TAF4B: variants seen among roughly 807,000 people sequenced by gnomAD.
TAF4B encodes TATA-box binding protein associated factor 4b, also known as transcription initiation factor TFIID subunit 4B.
TAF4B carries 38 observed loss-of-function variants against 86.4 expected under a neutral mutation model. The ratio of observed to expected loss-of-function variants is 0.44; its 90% CI spans 0.34 to 0.58. The LOEUF is 0.58. Ranked by LOEUF, TAF4B falls within the 20% of genes least tolerant of loss-of-function variation. The pLI, the probability that TAF4B is intolerant of heterozygous loss-of-function variation, is 0.02. For synonymous variants in TAF4B, 388 were observed against 391.2 expected, an observed-to-expected ratio of 0.99 and a Z score of 0.10; for missense variants, 988 against 1,027.6, an observed-to-expected ratio of 0.96 and a Z score of 0.53.
rs72880113 is a variant in TAF4B, at chr18:26,252,310, A to T, written c.344-12860A>T. Among the ~76,000 whole-genome samples the T allele has an allele frequency of 5.8e-3, 890 of 152,220 alleles. 6 individuals carry two copies. The highest frequency in any genetic ancestry group is 0.011 in the Admixed American group (161 of 15,278). ...CATTTTCTTAATTTCATTTATGGTT[A>T]TTCATTGCAAGTGTATAAAAATACA... is the stretch of plus-strand genomic sequence containing the variant. On this transcript the variant is annotated intron_variant, in intron 1 of 14. Coordinates refer to ENST00000269142, the MANE Select transcript of TAF4B (RefSeq NM_005640.3).
intron 1 of TAF4B, among the ~76,000 whole-genome samples, chr18:26,249,225 T>TC (rs1242520010): frequency 6.6e-6 from 1 of 150,492 alleles, no homozygotes; most frequent in Non-Finnish European, 1.5e-5. Context: ...ATGCCTGTAA[T>TC]CCCACCACTT....
intron 2 of TAF4B, chr18:26,265,923 C>T (rs779145692): frequency 6.6e-6 from 1 of 151,780 alleles, no homozygotes; most frequent in Non-Finnish European, 1.5e-5. Flanking sequence ...CAGGCGCCCA[C>T]TGCCATGCCT....
chr18:26,350,896 G>A (rs2057239751), intron 13 of TAF4B, among the ~76,000 whole-genome samples: 1 of 152,148 alleles, frequency 6.6e-6, no homozygotes, highest in South Asian at 2.1e-4. Context: ...AGGATTCAGG[G>A]AAAATGGAAT....
chr18:26,336,860 A>T (rs1403485863), intron 13 of TAF4B, among the ~76,000 whole-genome samples: 1 of 152,176 alleles, frequency 6.6e-6, no homozygotes, highest in Non-Finnish European at 1.5e-5. Flanking sequence ...TCCTTCATAA[A>T]CCTTCATAAG....
intron 1 of TAF4B, among the ~76,000 whole-genome samples, chr18:26,239,652 A>G (rs1253152371): frequency 1.3e-5 from 2 of 152,194 alleles, no homozygotes; most frequent in Non-Finnish European, 2.9e-5. Flanking sequence ...TTAGTCATGA[A>G]GTCCTTGCCC....
chr18:26,364,583 C>T (rs774499522), intron 14 of TAF4B, among the ~76,000 whole-genome samples: 3 of 151,940 alleles, frequency 2.0e-5, no homozygotes, highest in Non-Finnish European at 4.4e-5. Flanking sequence ...TTCTCTTTTC[C>T]CCCATTAGCT....
At chr18:26,338,355 A>C (rs2057109280) in intron 13 of TAF4B, among the ~76,000 whole-genome samples, 1 of 151,972 alleles carries the variant, frequency 6.6e-6, no homozygotes, top group South Asian at 2.1e-4. Context: ...AGTCTGAGAC[A>C]TGAGAATCAC....
chr18:26,281,462 A>G lies in TAF4B; in HGVS notation c.883-509A>G, dbSNP rs143526280. On this transcript the variant is annotated intron_variant, in intron 5 of 14. Coordinates refer to ENST00000269142, the MANE Select transcript of TAF4B (RefSeq NM_005640.3). ...AAAGAATAAGATAATTCAATCAGCT[A>G]CATCTTACACATTATCACTGGCATC... 3.3e-4 allele frequency among the ~76,000 whole-genome samples: 50 copies of G among 152,336 alleles called. No homozygotes were observed. The East Asian group carries it at 9.1e-3, about 28-fold the overall frequency.
rs2055578620 is a variant in TAF4B at position 26,226,648 on chromosome 18, G to A, written c.-286G>A. 2 of 313,832 alleles carry A rather than the reference G, an allele frequency of 6.4e-6. No homozygotes were observed. The highest frequency in any genetic ancestry group is 2.9e-4 in the South Asian group (2 of 6,896). 19.4% of individuals were successfully genotyped at this position (313,832 alleles called of 1,614,324 possible). ...GCGGGACCCGAGCCTGAGGCGCAGG[G>A]CTGAGGCAGCGCACGTGTGAGCGCC... On this transcript the variant is annotated 5_prime_UTR_variant, in exon 1 of 15. Coordinates refer to ENST00000269142, the MANE Select transcript of TAF4B (RefSeq NM_005640.3).
intron 2 of TAF4B, 104 bp downstream of exon 2, chr18:26,265,419 T>A: frequency 4.5e-6 from 6 of 1,328,734 alleles, no homozygotes; most frequent in Non-Finnish European, 6.0e-6. Flanking sequence ...TAAGACATGA[T>A]TCTATTCAGC....
intron 10 of TAF4B, among the ~76,000 whole-genome samples, chr18:26,316,676 T>G (rs191291572): frequency 4.7e-4 from 71 of 152,282 alleles, no homozygotes; most frequent in Admixed American, 2.7e-3. Flanking sequence ...TGAGCCACCG[T>G]GCCTGGCTTA....
At chr18:26,299,785 A>G (rs1184500721) in intron 9 of TAF4B, among the ~76,000 whole-genome samples, 3 of 152,056 alleles carry the variant, frequency 2.0e-5, no homozygotes, top group Non-Finnish European at 2.9e-5. Context: ...TACATTTCAT[A>G]TTGATTTTCA....
chr18:26,263,927 TTTATA>T (rs1465346504), intron 1 of TAF4B, among the ~76,000 whole-genome samples: 1 of 152,160 alleles, frequency 6.6e-6, no homozygotes, highest in African/African-American at 2.4e-5. Context: ...GCCTTTTACT[TTTATA>T]TTCTTAATAC....
intron 1 of TAF4B, among the ~76,000 whole-genome samples, chr18:26,228,312 C>T (rs1206647536): frequency 6.6e-6 from 1 of 152,128 alleles, no homozygotes. Flanking sequence ...GATTCTATAT[C>T]CCCTAATAAA....
chr18:26,352,457 A>G (rs1418496564), intron 13 of TAF4B, among the ~76,000 whole-genome samples: 1 of 152,082 alleles, frequency 6.6e-6, no homozygotes. Flanking sequence ...CTAATCAATG[A>G]CTTTGGAAAA....
At chr18:26,334,104 T>A (rs2057072230) in intron 12 of TAF4B, among the ~76,000 whole-genome samples, 1 of 152,084 alleles carries the variant, frequency 6.6e-6, no homozygotes. Flanking sequence ...ACAAAAGAGT[T>A]TATCTTTTCG....
intron 14 of TAF4B, among the ~76,000 whole-genome samples, chr18:26,388,318 G>A (rs1220172501): frequency 6.6e-6 from 1 of 152,200 alleles, no homozygotes; most frequent in East Asian, 1.9e-4. Flanking sequence ...AATTACAGGA[G>A]TGTTGTGTTT....
intron 13 of TAF4B, among the ~76,000 whole-genome samples, chr18:26,344,149 C>A (rs1388714090): frequency 6.6e-6 from 1 of 152,154 alleles, no homozygotes; most frequent in Non-Finnish European, 1.5e-5. Flanking sequence ...ACACATTCAG[C>A]TGAATGAGCT....
chr18:26,265,421 C>A, intron 2 of TAF4B, 106 bp downstream of exon 2: 6 of 1,310,812 alleles, frequency 4.6e-6, no homozygotes, highest in South Asian at 1.9e-5. Context: ...AGACATGATT[C>A]TATTCAGCTT....
Sources: gnomAD v4.1 joint callset for allele counts (sites outside exome capture counted in the v4.1 genomes callset) on GRCh38, gnomAD v4.1.1 for gene constraint, MANE v1.5 for transcripts, NCBI Gene and HGNC (gene_info 2026-07-23, HGNC 2026-07-21) for gene names.